Variants in MEAF6 observed in about 807,000 individuals in gnomAD.
MEAF6 encodes chromatin modification-related protein MEAF6.
In MEAF6, 15 loss-of-function variants were observed where a neutral mutation model predicts 28.9. The observed-to-expected ratio is 0.52, with a 90% confidence interval of 0.35 to 0.80. The LOEUF is 0.80. MEAF6 is among the 30% of genes least tolerant of loss of function. MEAF6 has a pLI of 0.01. For synonymous variants in MEAF6, 97 were observed against 88.7 expected (o/e 1.09, Z -0.53); for missense variants, 178 against 237.5 (o/e 0.75, Z 1.65).
At chr1:37,507,453 T>TAAAAAA (rs34744420) in intron 4 of MEAF6, among the ~76,000 whole-genome samples, 1 of 129,230 alleles carries the variant, frequency 7.7e-6, no homozygotes. Flanking sequence ...AAGTAAGATT[T>TAAAAAA]AAAAAAAAAA....
At position 37,501,121 on chromosome 1, in the gene MEAF6, C is replaced by T. The variant is rs75390051; in HGVS notation, c.533+683G>A. 937 of 153,230 alleles carry T rather than the reference C, an allele frequency of 6.1e-3. 12 individuals carry two copies. The highest frequency in any genetic ancestry group is 0.021 in the African/African-American group (894 of 41,588). The allele number at this position is 153,230 out of a possible 1,614,324, so 9.5% of individuals were successfully genotyped here. ...ATACAAACCCCAGGCAGAGTGAATG[C>T]TGAAACCCTCTCTGGGTGACACCTG... On this transcript the variant is annotated intron_variant, in intron 5 of 6. Transcript: ENST00000296214.
chr1:37,504,806 C>T (rs866808340), intron 4 of MEAF6, among the ~76,000 whole-genome samples: 6,604 of 145,584 alleles, frequency 0.045, 237 homozygotes, highest in South Asian at 0.12. Flanking sequence ...TATATACACA[C>T]ACACACACAC....
At chr1:37,497,367 A>G (rs1642158261) in intron 5 of MEAF6, among the ~76,000 whole-genome samples, 1 of 151,094 alleles carries the variant, frequency 6.6e-6, no homozygotes, top group African/African-American at 2.4e-5. Flanking sequence ...GCCTCCCTCA[A>G]GTTATATGTT....
At position 37,501,398 on chromosome 1, in the gene MEAF6, T is replaced by C. The variant is rs76105922; in HGVS notation, c.533+406A>G. 7.9e-3 allele frequency: 1,237 copies of C among 157,088 alleles called. 9 individuals carry two copies. Among genetic ancestry groups the C allele is most frequent in the African/African-American group, 0.029 (1,193 of 41,598 alleles). 9.7% of individuals were successfully genotyped at this position (157,088 alleles called of 1,614,324 possible). A position where few individuals can be genotyped will look rare whatever the true frequency, so the allele number is the denominator to read the frequency against. On this transcript the variant is annotated intron_variant, in intron 5 of 6. Coordinates refer to ENST00000296214, the MANE Select transcript of MEAF6 (RefSeq NM_001270875.3). ...CTCTCCATCCACAAAGAAATAAGAG[T>C]AGGCAAAGATCAGAATTACCAGCAG...
At chr1:37,495,701 AAACAAAAAAAAAAAAAAAC>A (rs1642104092) in intron 6 of MEAF6, among the ~76,000 whole-genome samples, 165 bp downstream of exon 6, 1 of 114,014 alleles carries the variant, frequency 8.8e-6, no homozygotes, top group African/African-American at 3.2e-5. Context: ...AAAAAACAAA[AAACAAAAAAAAAAAAAAAC>A]AAAAAAACCA....
chr1:37,502,240 G>A (rs1347023404), intron 4 of MEAF6, among the ~76,000 whole-genome samples: 2 of 152,104 alleles, frequency 1.3e-5, no homozygotes, highest in Non-Finnish European at 2.9e-5. Flanking sequence ...CAGCTCTAAG[G>A]GCAGTTTTTG....
intron 1 of MEAF6, 150 bp downstream of exon 1, chr1:37,514,507 G>A (rs1187062303): frequency 6.7e-6 from 3 of 447,122 alleles, no homozygotes; most frequent in South Asian, 5.8e-5. Flanking sequence ...GCGGGCCGCA[G>A]AATGCGCACC....
intron 6 of MEAF6, among the ~76,000 whole-genome samples, chr1:37,494,775 G>A (rs1642060395): frequency 6.6e-6 from 1 of 151,846 alleles, no homozygotes; most frequent in African/African-American, 2.4e-5. Context: ...AGGTTGCAGT[G>A]AGCCAAGATC....
At chr1:37,509,225 G>A in intron 4 of MEAF6, 53 bp downstream of exon 4, 2 of 1,449,684 alleles carry the variant, frequency 1.4e-6, no homozygotes, top group Non-Finnish European at 1.9e-6. Context: ...TAAGTGTAAG[G>A]GTGATGGTAG....
chr1:37,503,873 T>C (rs1229898701), intron 4 of MEAF6, among the ~76,000 whole-genome samples: 4 of 151,910 alleles, frequency 2.6e-5, no homozygotes, highest in Non-Finnish European at 5.9e-5. Flanking sequence ...GCAGGGAGAA[T>C]TGCTTGAACC....
chr1:37,495,057 G>A (rs1054813803), intron 6 of MEAF6, among the ~76,000 whole-genome samples: 2 of 151,428 alleles, frequency 1.3e-5, no homozygotes, highest in East Asian at 2.0e-4. Flanking sequence ...GTGACCGGCC[G>A]GGTGCGGTGG....
rs1335746694 is a variant in MEAF6, at chr1:37,491,237, G to A, written c.*2862C>T. On this transcript the variant is annotated 3_prime_UTR_variant, in exon 7 of 7. Coordinates refer to ENST00000296214, the MANE Select transcript of MEAF6 (RefSeq NM_001270875.3). Reference sequence around the variant, plus strand: ...ATACTCTATATTGCCAGGTGCCAGGGCTCATGCCTGTAATCCCAGCACTTT... The same window carrying A: ...ATACTCTATATTGCCAGGTGCCAGGACTCATGCCTGTAATCCCAGCACTTT... Among the ~76,000 whole-genome samples the A allele has an allele frequency of 6.6e-6, 1 of 152,188 alleles. No individual in the cohort carries two copies. Among genetic ancestry groups the A allele is most frequent in the Non-Finnish European group, 1.5e-5 (1 of 68,038 alleles).
intron 5 of MEAF6, among the ~76,000 whole-genome samples, chr1:37,500,357 G>T (rs1481245239): frequency 2.0e-5 from 3 of 152,118 alleles, no homozygotes; most frequent in Admixed American, 6.6e-5. Flanking sequence ...TACAGAGCAT[G>T]ACATTTAATT....
intron 2 of MEAF6, among the ~76,000 whole-genome samples, chr1:37,513,184 A>C (rs993207704): frequency 6.6e-6 from 1 of 152,210 alleles, no homozygotes; most frequent in Non-Finnish European, 1.5e-5. Context: ...GTATAAAGAT[A>C]CTGTATTTAA....
At chr1:37,501,732 G>GT (rs1312985303) in intron 5 of MEAF6, 72 bp downstream of exon 5, 23 of 1,359,342 alleles carry the variant, frequency 1.7e-5, no homozygotes, top group Non-Finnish European at 2.3e-5. Context: ...ATCCTAAAGA[G>GT]TTTTTATTCT....
chr1:37,494,281 C>A (rs561261311), intron 6 of MEAF6, among the ~76,000 whole-genome samples, 174 bp from the exon 7 acceptor site: 1 of 151,838 alleles, frequency 6.6e-6, no homozygotes, highest in South Asian at 2.1e-4. Flanking sequence ...TTTGGGAAGC[C>A]GAGGCAGGGA....
intron 5 of MEAF6, chr1:37,501,542 A>C: frequency 3.0e-6 from 1 of 335,106 alleles, no homozygotes; most frequent in East Asian, 4.6e-5. Flanking sequence ...CATATTCACC[A>C]TATGAAACAA....
At chr1:37,500,779 C>T (rs567827497) in intron 5 of MEAF6, among the ~76,000 whole-genome samples, 12 of 152,164 alleles carry the variant, frequency 7.9e-5, no homozygotes, top group African/African-American at 2.9e-4. Context: ...GAAGGAATAC[C>T]CTACAGATTT....
chr1:37,507,210 C>G (rs578053526), intron 4 of MEAF6, among the ~76,000 whole-genome samples: 2 of 152,052 alleles, frequency 1.3e-5, no homozygotes, highest in African/African-American at 4.8e-5. Context: ...ATCCCAGCTA[C>G]TTGGGAGGCT....
Sources: gnomAD v4.1 joint callset for allele counts (sites outside exome capture counted in the v4.1 genomes callset) on GRCh38, gnomAD v4.1.1 for gene constraint, MANE v1.5 for transcripts, NCBI Gene and HGNC (gene_info 2026-07-23, HGNC 2026-07-21) for gene names.